Variants in PRR23E observed in about 807,000 individuals in gnomAD.
PRR23E encodes PRR23 family member E, also known as proline-rich protein 23E.
chr3:127,195,206 G>T, the PRR23E span, among the ~76,000 whole-genome samples: 1 of 152,158 alleles, frequency 6.6e-6, no homozygotes, highest in Admixed American at 6.5e-5. Context: ...TGGGTCCTTG[G>T]CACACACCAG....
chr3:127,197,259 T>G, the PRR23E span: 10 of 1,599,310 alleles, frequency 6.3e-6, no homozygotes, highest in Non-Finnish European at 8.5e-6. Context: ...AGAATGGGCC[T>G]CCAGGTTCGG....
At chr3:127,197,086 TC>T in the PRR23E span, 46 of 1,597,892 alleles carry the variant, frequency 2.9e-5, no homozygotes, top group Non-Finnish European at 3.6e-5. Context: ...CCCATGAAAT[TC>T]CCACCCACCT....
chr3:127,198,156 A>T, the PRR23E span: 3 of 152,186 alleles, frequency 2.0e-5, no homozygotes, highest in Admixed American at 6.5e-5. Flanking sequence ...GCTTTTAAAA[A>T]TTTTTAAATA....
At chr3:127,194,200 A>C in the PRR23E span, among the ~76,000 whole-genome samples, 4 of 152,206 alleles carry the variant, frequency 2.6e-5, no homozygotes, top group Admixed American at 2.0e-4. Flanking sequence ...GTTTTTGAGA[A>C]GCCAACTAGG....
the PRR23E span, chr3:127,196,590 GA>G: frequency 6.9e-7 from 1 of 1,448,060 alleles, no homozygotes; most frequent in Non-Finnish European, 9.1e-7. Flanking sequence ...TCACCCCACA[GA>G]TACCAGGAGC....
chr3:127,196,600 G>C, the PRR23E span: 2 of 1,455,506 alleles, frequency 1.4e-6, no homozygotes. Context: ...GATACCAGGA[G>C]CCCCGTGAGG....
At chr3:127,197,127 G>C in the PRR23E span, 1 of 1,596,252 alleles carries the variant, frequency 6.3e-7, no homozygotes, top group South Asian at 1.1e-5. Context: ...TCTGGGCGGG[G>C]CCACCTCCAG....
the PRR23E span, among the ~76,000 whole-genome samples, chr3:127,194,903 G>C: frequency 6.6e-6 from 1 of 152,192 alleles, no homozygotes; most frequent in East Asian, 1.9e-4. Flanking sequence ...GCCCATTCGG[G>C]AGGAAATGAA....
the PRR23E span, chr3:127,196,525 C>T: frequency 8.4e-7 from 1 of 1,185,742 alleles, no homozygotes; most frequent in Non-Finnish European, 1.1e-6. Context: ...CTGTCCCCCT[C>T]CTCCCATCCC....
At chr3:127,197,790 C>T in the PRR23E span, 1 of 164,828 alleles carries the variant, frequency 6.1e-6, no homozygotes, top group Non-Finnish European at 1.3e-5. Flanking sequence ...TATTTGGGCA[C>T]CTGTGCCACC....
At chr3:127,197,750 C>T in the PRR23E span, 166 of 190,274 alleles carry the variant, frequency 8.7e-4, no homozygotes, top group South Asian at 5.7e-3. Context: ...CCTGTAGAAG[C>T]GCTCAGTTAG....
chr3:127,195,967 C>G, the PRR23E span, among the ~76,000 whole-genome samples: 1 of 152,204 alleles, frequency 6.6e-6, no homozygotes, highest in East Asian at 1.9e-4. Flanking sequence ...ATCATCTCTT[C>G]ACTTCTTTCT....
At chr3:127,196,797 G>C in the PRR23E span, 13 of 1,598,094 alleles carry the variant, frequency 8.1e-6, no homozygotes, top group South Asian at 1.4e-4. Flanking sequence ...GGTGGCCATG[G>C]GCTCTGCCTA....
chr3:127,196,679 A>G, the PRR23E span: 15 of 1,583,792 alleles, frequency 9.5e-6, no homozygotes, highest in Non-Finnish European at 1.3e-5. Context: ...AGCACAGCTC[A>G]TCTAAGATGG....
the PRR23E span, chr3:127,197,098 A>G: frequency 1.3e-6 from 2 of 1,595,250 alleles, no homozygotes; most frequent in Non-Finnish European, 1.7e-6. Flanking sequence ...CCACCCACCT[A>G]CTCCTTGGCT....
chr3:127,197,335 A>T, the PRR23E span: 32 of 1,597,056 alleles, frequency 2.0e-5, no homozygotes, highest in Middle Eastern at 3.3e-4. Context: ...CCCATTGAAG[A>T]TTCTCAGCTG....
the PRR23E span, chr3:127,196,915 C>T: frequency 6.3e-7 from 1 of 1,599,468 alleles, no homozygotes; most frequent in Non-Finnish European, 8.5e-7. Context: ...GCCTTCTGGG[C>T]TTACCCGTGG....
chr3:127,193,609 A>C, the PRR23E span, among the ~76,000 whole-genome samples: 1 of 152,124 alleles, frequency 6.6e-6, no homozygotes. Context: ...GTAGAGGCCC[A>C]GATTAATGTG....
At chr3:127,196,897 C>T in the PRR23E span, 1 of 1,599,474 alleles carries the variant, frequency 6.3e-7, no homozygotes, top group Admixed American at 1.7e-5. Flanking sequence ...TCCCCACAAG[C>T]TTACCCAGCC....
Sources: allele counts gnomAD v4.1 joint callset (sites outside exome capture counted in the v4.1 genomes callset), GRCh38; gene constraint gnomAD v4.1.1; transcripts MANE v1.5; gene names NCBI Gene and HGNC (gene_info 2026-07-23, HGNC 2026-07-21).